Variants in ISCU observed in about 807,000 individuals in gnomAD.
ISCU encodes the protein iron-sulfur cluster assembly enzyme.
Under a neutral mutation model 18.4 loss-of-function variants are expected in ISCU, and 13 were observed. The observed-to-expected ratio is 0.71, with a 90% confidence interval of 0.46 to 1.12. ISCU has a LOEUF of 1.12. ISCU is among the 50% of genes most tolerant of loss of function. ISCU has a pLI of 0.00. For synonymous variants in ISCU, 104 were observed against 87.5 expected (o/e 1.19, Z -1.06); for missense variants, 229 against 208.7 (o/e 1.10, Z -0.60).
intron 1 of ISCU, chr12:108,563,772 G>GT (rs2030749078): frequency 5.1e-6 from 2 of 391,738 alleles, no homozygotes; most frequent in Admixed American, 7.4e-5. Context: ...GTGAAATACG[G>GT]TAATGGCACT....
intron 3 of ISCU, 47 bp from the exon 4 acceptor site, chr12:108,567,143 A>G (rs1359507291): frequency 1.4e-6 from 2 of 1,398,352 alleles, no homozygotes; most frequent in South Asian, 2.3e-5. Context: ...GGCCCTCACA[A>G]GATAAAGTGT....
At chr12:108,565,141 C>T in intron 2 of ISCU, 180 bp from the exon 3 acceptor site, 2 of 616,572 alleles carry the variant, frequency 3.2e-6, no homozygotes, top group Non-Finnish European at 5.8e-6. Context: ...ATAGTTGTCC[C>T]TGCATTTCAC....
In ISCU at chr12:108,565,427, A is replaced by G. The variant is rs755742014; in HGVS notation, c.335A>G (p.Lys112Arg). 2.5e-6 allele frequency: 4 copies of G among 1,604,194 alleles called. No individual in the cohort carries two copies. The highest frequency in any genetic ancestry group is 2.2e-5 in the South Asian group (2 of 90,864). Residue 112 changes from lysine to arginine, a missense_variant, in exon 3 of 5, where the codon AAG becomes AGG. Coordinates refer to ENST00000311893, the MANE Select transcript of ISCU (RefSeq NM_213595.4). ...TTAGCCACTGAATGGGTGAAAGGAAAGACGGTAAGGTGGCTCACAAATCTA... is the reference window on the plus strand; with the variant it reads ...TTAGCCACTGAATGGGTGAAAGGAAGGACGGTAAGGTGGCTCACAAATCTA... ...SSLATEWVKG[K>R]TVEEALTIKN...
chr12:108,563,434 A>G (rs2030727188), intron 1 of ISCU: 1 of 153,730 alleles, frequency 6.5e-6, no homozygotes, highest in Non-Finnish European at 1.4e-5. Flanking sequence ...CCATAAATCA[A>G]CGTGGCACAA....
chr12:108,565,493 C>A, intron 3 of ISCU, 62 bp downstream of exon 3: 1 of 1,136,606 alleles, frequency 8.8e-7, no homozygotes, highest in African/African-American at 1.5e-5. Context: ...TTTTAATATT[C>A]TAAATTTTTA....
At chr12:108,563,962 G>C in intron 1 of ISCU, 1 of 795,074 alleles carries the variant, frequency 1.3e-6, no homozygotes, top group Non-Finnish European at 2.2e-6. Flanking sequence ...ACTGCTGTTT[G>C]AGCCCAAGTC....
At chr12:108,564,096 A>G in intron 1 of ISCU, 183 bp from the exon 2 acceptor site, 1 of 1,612,866 alleles carries the variant, frequency 6.2e-7, no homozygotes, top group Non-Finnish European at 8.5e-7. Flanking sequence ...GAGGAGACAC[A>G]AAAGGAATTG....
chr12:108,566,258 G>A (rs1456231643), intron 3 of ISCU, among the ~76,000 whole-genome samples: 2 of 152,262 alleles, frequency 1.3e-5, no homozygotes, highest in African/African-American at 4.8e-5. Flanking sequence ...AAGCCCCTGT[G>A]GGCCAGGAAG....
intron 3 of ISCU, among the ~76,000 whole-genome samples, chr12:108,565,972 T>C (rs1378611273): frequency 6.6e-6 from 1 of 152,212 alleles, no homozygotes; most frequent in Non-Finnish European, 1.5e-5. Flanking sequence ...TAGAACTTCT[T>C]TTTCATCCCT....
intron 2 of ISCU, 126 bp from the exon 3 acceptor site, chr12:108,565,195 A>G (rs755239020): frequency 1.4e-6 from 1 of 730,802 alleles, no homozygotes; most frequent in Non-Finnish European, 2.5e-6. Flanking sequence ...GTCAGTAATT[A>G]ATGCCATCAC....
chr12:108,565,932 A>G (rs983738138), intron 3 of ISCU, among the ~76,000 whole-genome samples: 2 of 152,384 alleles, frequency 1.3e-5, no homozygotes, highest in Admixed American at 6.5e-5. Flanking sequence ...GCTGATCGCA[A>G]GCCCTCTAAA....
In ISCU at chr12:108,567,176, A is replaced by G. The variant is rs2030938296; in HGVS notation, c.340-14A>G. The G allele has an allele frequency of 4.4e-6, 7 of 1,607,336 alleles. No individual in the cohort carries two copies. Among genetic ancestry groups the G allele is most frequent in the Non-Finnish European group, 6.0e-6 (7 of 1,174,182 alleles). On this transcript the variant is annotated splice_polypyrimidine_tract_variant and intron_variant, in intron 3 of 4. Coordinates refer to ENST00000311893, the MANE Select transcript of ISCU (RefSeq NM_213595.4). ...TGTTGCTAAAACTGCCCATCTTTCC[A>G]TTATGCCTCTCAGGTGGAGGAAGCC...
upstream of ISCU, chr12:108,562,499 C>A: frequency 5.8e-6 from 3 of 518,324 alleles, no homozygotes; most frequent in Non-Finnish European, 9.5e-6. Context: ...GTGCACGGAG[C>A]GGTAAAGCGC....
chr12:108,568,889 CA>C lies in ISCU; in HGVS notation c.483del (p.Gly162GlufsTer39). The C allele has an allele frequency of 6.2e-7, 1 of 1,613,150 alleles. No homozygotes were observed. The highest frequency in any genetic ancestry group is 8.5e-7 in the Non-Finnish European group (1 of 1,179,652). ...LADYKLKQEPKKGEAEKK is the reference protein window; with the variant it reads ...LADYKLKQEPXKGEAEKK ...CTGATTACAAATTGAAACAAGAACC[CA>C]AAAAAGGAGAGGCAGAGAAGAAATG... On this transcript the variant is annotated frameshift_variant, in exon 5 of 5. Coordinates refer to ENST00000311893, the MANE Select transcript of ISCU (RefSeq NM_213595.4). LOFTEE classifies it high-confidence loss of function.
In ISCU at chr12:108,567,452, A is replaced by G. The variant is rs876161; in HGVS notation, c.418+184A>G. On this transcript the variant is annotated intron_variant, in intron 4 of 4. Transcript: ENST00000311893. ...TGGTCTCACATTCATCCCTAAGAGA[A>G]TCATGCCAGAAGGAGGTATGCACCA... 0.1 allele frequency: 75,490 copies of G among 726,358 alleles called. 4,867 individuals are homozygous for G. Among genetic ancestry groups the G allele is most frequent in the South Asian group, 0.23 (14,999 of 65,930 alleles). The allele number at this position is 726,358 out of a possible 1,614,324, so 45.0% of individuals were successfully genotyped here. A position where few individuals can be genotyped will look rare whatever the true frequency, so the allele number is the denominator to read the frequency against.
intron 1 of ISCU, 94 bp downstream of exon 1, chr12:108,562,830 C>T: frequency 1.5e-6 from 1 of 654,928 alleles, no homozygotes; most frequent in Non-Finnish European, 2.3e-6. Flanking sequence ...GGACTGGGAG[C>T]TGTCCCCTCC....
At chr12:108,563,698 G>C (rs1218247226) in intron 1 of ISCU, 1 of 328,030 alleles carries the variant, frequency 3.0e-6, no homozygotes, top group East Asian at 8.0e-5. Flanking sequence ...ACACCCTGAA[G>C]AAACTTGGAC....
At chr12:108,565,515 A>G in intron 3 of ISCU, 84 bp downstream of exon 3, 1 of 842,836 alleles carries the variant, frequency 1.2e-6, no homozygotes, top group Admixed American at 1.9e-5. Flanking sequence ...AATTTCTCCT[A>G]TGCAGATGTT....
chr12:108,567,104 G>T, intron 3 of ISCU, 86 bp from the exon 4 acceptor site: 1 of 960,860 alleles, frequency 1.0e-6, no homozygotes, highest in South Asian at 1.3e-5. Context: ...AACCCTGAGA[G>T]CCTCTTTGGC....
Sources: gnomAD v4.1 joint callset for allele counts (sites outside exome capture counted in the v4.1 genomes callset) on GRCh38, gnomAD v4.1.1 for gene constraint, MANE v1.5 for transcripts, NCBI Gene and HGNC (gene_info 2026-07-23, HGNC 2026-07-21) for gene names.